The following EDIL3 variants were observed in gnomAD, a reference collection of about 807,000 sequenced individuals.
EDIL3 encodes EGF-like repeat and discoidin I-like domain-containing protein 3.
EDIL3 carries 37 observed loss-of-function variants against 67.4 expected under a neutral mutation model. The ratio of observed to expected loss-of-function variants is 0.55; its 90% CI spans 0.42 to 0.72. The LOEUF is 0.72. Among genes scored for constraint, EDIL3 ranks in the 30% least tolerant of loss-of-function variants. EDIL3 has a pLI of 0.00. For synonymous variants in EDIL3, 195 were observed against 196.3 expected (o/e 0.99, Z 0.05); for missense variants, 527 against 586.3 (o/e 0.90, Z 1.04).
Position 84,019,143 on chromosome 5 carries a change from C to G in EDIL3, c.1137+41157G>C, listed in dbSNP as rs987340824. ...CAGAACAGCAAAGACTTGGAACCAA[C>G]CCAAATGTCCAACAATGATAGACTG... is the stretch of plus-strand genomic sequence containing the variant. On this transcript the variant is annotated intron_variant, in intron 9 of 10. Transcript: ENST00000296591. Among the ~76,000 whole-genome samples, 4 of 152,136 alleles carry G rather than the reference C, an allele frequency of 2.6e-5. No individual in the cohort carries two copies. The East Asian group carries it at 5.8e-4, about 22-fold the overall frequency.
At chr5:84,275,695 T>A (rs569805637) in intron 1 of EDIL3, among the ~76,000 whole-genome samples, 4 of 152,202 alleles carry the variant, frequency 2.6e-5, no homozygotes, top group Non-Finnish European at 4.4e-5. Context: ...TCTAGAATAC[T>A]TGCAGCTCAA....
chr5:84,277,006 C>T (rs1028892413), intron 1 of EDIL3, among the ~76,000 whole-genome samples: 2 of 152,150 alleles, frequency 1.3e-5, no homozygotes, highest in South Asian at 2.1e-4. Flanking sequence ...GCATAATAAT[C>T]ACTACATTGT....
intron 5 of EDIL3, among the ~76,000 whole-genome samples, chr5:84,116,633 G>C (rs1317055334): frequency 6.6e-6 from 1 of 152,030 alleles, no homozygotes; most frequent in Non-Finnish European, 1.5e-5. Flanking sequence ...TTTACTAATT[G>C]AACCTTCCTA....
intron 9 of EDIL3, among the ~76,000 whole-genome samples, chr5:84,035,859 T>C (rs1746013833): frequency 6.6e-6 from 1 of 152,224 alleles, no homozygotes; most frequent in Non-Finnish European, 1.5e-5. Context: ...GTAAGTCTTC[T>C]AATTTACCAG....
chr5:84,367,182 C>G (rs1747756425), intron 1 of EDIL3, among the ~76,000 whole-genome samples: 1 of 152,090 alleles, frequency 6.6e-6, no homozygotes, highest in Admixed American at 6.5e-5. Flanking sequence ...AAACAAATAG[C>G]ATTTCTTATA....
intron 1 of EDIL3, among the ~76,000 whole-genome samples, chr5:84,375,738 A>T (rs2112217979): frequency 6.6e-6 from 1 of 152,336 alleles, no homozygotes; most frequent in African/African-American, 2.4e-5. Context: ...AAATGGCAAG[A>T]TTTAAAGAAA....
At chr5:84,143,138 T>C (rs1241735053) in intron 4 of EDIL3, among the ~76,000 whole-genome samples, 1 of 152,082 alleles carries the variant, frequency 6.6e-6, no homozygotes, top group Admixed American at 6.6e-5. Context: ...GATGAATTTC[T>C]AGGAATTTGA....
intron 9 of EDIL3, among the ~76,000 whole-genome samples, chr5:84,007,932 G>A (rs1175379108): frequency 1.3e-5 from 2 of 152,154 alleles, no homozygotes; most frequent in Non-Finnish European, 2.9e-5. Context: ...TATCCACAAT[G>A]GAGTACCATT....
intron 9 of EDIL3, among the ~76,000 whole-genome samples, chr5:83,980,028 C>T (rs1203377434): frequency 6.6e-6 from 1 of 152,106 alleles, no homozygotes; most frequent in African/African-American, 2.4e-5. Context: ...GCTCCCTTCC[C>T]ACCTCTCACT....
chr5:84,313,737 A>C (rs1213036238), intron 1 of EDIL3, among the ~76,000 whole-genome samples: 3 of 152,212 alleles, frequency 2.0e-5, no homozygotes, highest in Admixed American at 2.0e-4. Flanking sequence ...CAATTAAATC[A>C]GAATCTCTGT....
At chr5:84,035,448 T>TAAA (rs1746005320) in intron 9 of EDIL3, among the ~76,000 whole-genome samples, 4 of 152,292 alleles carry the variant, frequency 2.6e-5, no homozygotes, top group Non-Finnish European at 5.9e-5. Flanking sequence ...GGTGATCCCT[T>TAAA]AAAATTAGAT....
intron 4 of EDIL3, among the ~76,000 whole-genome samples, chr5:84,172,611 A>AT (rs1406313972): frequency 6.6e-6 from 1 of 152,020 alleles, no homozygotes; most frequent in African/African-American, 2.4e-5. Context: ...AACAACAACA[A>AT]AAAAATAAAA....
At chr5:84,363,940 G>A (rs960646100) in intron 1 of EDIL3, among the ~76,000 whole-genome samples, 1 of 152,120 alleles carries the variant, frequency 6.6e-6, no homozygotes, top group African/African-American at 2.4e-5. Context: ...ACAAATCACT[G>A]ACTATATATC....
At chr5:83,990,748 C>T (rs1402317420) in intron 9 of EDIL3, among the ~76,000 whole-genome samples, 8 of 151,602 alleles carry the variant, frequency 5.3e-5, no homozygotes, top group South Asian at 2.1e-4. Flanking sequence ...GGCATGGTAG[C>T]GGGCACCTGT....
intron 2 of EDIL3, among the ~76,000 whole-genome samples, chr5:84,240,436 C>T (rs889074582): frequency 2.6e-5 from 4 of 152,122 alleles, no homozygotes; most frequent in Non-Finnish European, 4.4e-5. Flanking sequence ...TATCCAGGGT[C>T]TCCAACTTCC....
Position 84,254,154 on chromosome 5 carries a change from A to C in EDIL3, c.126T>G (p.Ala42=). 1 of 1,613,116 alleles carries C rather than the reference A, an allele frequency of 6.2e-7. No homozygotes were observed. Among genetic ancestry groups the C allele is most frequent in the Non-Finnish European group, 8.5e-7 (1 of 1,179,472 alleles). ...GACACTCACAGGAAAAGGAACCATCAGCCAATCCTGGCAAACAGATACCTC... is the reference window on the plus strand; with the variant it reads ...GACACTCACAGGAAAAGGAACCATCCGCCAATCCTGGCAAACAGATACCTC... ...ENGGICLPGL[A]DGSFSCECPD... Residue 42 remains alanine, a synonymous_variant, in exon 2 of 11, where the codon GCT becomes GCG. Transcript: ENST00000296591.
chr5:84,163,795 G>T (rs1052183213), intron 4 of EDIL3, among the ~76,000 whole-genome samples: 1 of 152,070 alleles, frequency 6.6e-6, no homozygotes, highest in Admixed American at 6.6e-5. Context: ...CTTAAATGAA[G>T]ATACTGAGAA....
chr5:84,194,754 G>C (rs1743667412), intron 3 of EDIL3, among the ~76,000 whole-genome samples: 1 of 151,782 alleles, frequency 6.6e-6, no homozygotes. Context: ...TTAATCACAT[G>C]AATATAGATG....
At chr5:84,179,639 A>C (rs1360496961) in intron 4 of EDIL3, among the ~76,000 whole-genome samples, 1 of 151,924 alleles carries the variant, frequency 6.6e-6, no homozygotes, top group African/African-American at 2.4e-5. Flanking sequence ...CACTCTTCCT[A>C]CTATGTGTCA....
Sources: gnomAD v4.1 joint callset for allele counts (sites outside exome capture counted in the v4.1 genomes callset) on GRCh38, gnomAD v4.1.1 for gene constraint, MANE v1.5 for transcripts, NCBI Gene and HGNC (gene_info 2026-07-23, HGNC 2026-07-21) for gene names.